The following DDX10 variants were observed in gnomAD, a reference collection of about 807,000 sequenced individuals.
DDX10 encodes the protein DEAD-box helicase 10.
DDX10 carries 74 observed loss-of-function variants against 104.3 expected under a neutral mutation model. The ratio of observed to expected loss-of-function variants is 0.71; its 90% CI spans 0.59 to 0.86. DDX10 has a LOEUF of 0.86. Ranked by LOEUF, DDX10 falls within the 40% of genes least tolerant of loss-of-function variation. DDX10 has a pLI of 0.00. For synonymous variants in DDX10, 351 were observed against 353.4 expected (o/e 0.99, Z 0.08); for missense variants, 952 against 1,040.0 (o/e 0.92, Z 1.16).
At chr11:108,860,343 A>G (rs972583285) in intron 16 of DDX10, among the ~76,000 whole-genome samples, 4 of 152,218 alleles carry the variant, frequency 2.6e-5, no homozygotes, top group Non-Finnish European at 1.5e-5. Context: ...TTCTTAAATG[A>G]CATATACCAC....
intron 10 of DDX10, among the ~76,000 whole-genome samples, chr11:108,709,951 A>G (rs1413920218): frequency 6.6e-6 from 1 of 152,144 alleles, no homozygotes; most frequent in Admixed American, 6.5e-5. Flanking sequence ...ATTTTAGGCT[A>G]TATGGTATAG....
chr11:108,898,372 G>T (rs189301496), intron 16 of DDX10, among the ~76,000 whole-genome samples: 1 of 152,096 alleles, frequency 6.6e-6, no homozygotes. Context: ...GGAGTTCCCA[G>T]TCTTTTCAGG....
intron 17 of DDX10, among the ~76,000 whole-genome samples, chr11:108,932,080 T>G (rs1036741210): frequency 6.6e-6 from 1 of 151,880 alleles, no homozygotes; most frequent in Non-Finnish European, 1.5e-5. Flanking sequence ...AAGGGCTAGA[T>G]AGTAATCATT....
At chr11:108,918,163 C>CT in intron 17 of DDX10, 145 bp downstream of exon 17, 1 of 792,386 alleles carries the variant, frequency 1.3e-6, no homozygotes. Flanking sequence ...CCTGGAAATC[C>CT]TGCTGCTGTT....
intron 10 of DDX10, among the ~76,000 whole-genome samples, chr11:108,713,326 G>C (rs2094286950): frequency 6.6e-6 from 1 of 152,024 alleles, no homozygotes; most frequent in East Asian, 1.9e-4. Flanking sequence ...TCATGTGTAT[G>C]TTCACTTTTT....
intron 17 of DDX10, among the ~76,000 whole-genome samples, chr11:108,924,310 G>A (rs1237952106): frequency 2.0e-5 from 3 of 152,062 alleles, no homozygotes; most frequent in East Asian, 1.9e-4. Flanking sequence ...ATTCTTACAT[G>A]GTGCAGGGTA....
chr11:108,916,754 A>C (rs1863756168), intron 16 of DDX10, among the ~76,000 whole-genome samples: 1 of 152,224 alleles, frequency 6.6e-6, no homozygotes, highest in Admixed American at 6.5e-5. Context: ...GGTAGTTGAC[A>C]AAACCAATCT....
At chr11:108,817,199 C>A (rs978858841) in intron 13 of DDX10, among the ~76,000 whole-genome samples, 1 of 152,194 alleles carries the variant, frequency 6.6e-6, no homozygotes, top group Non-Finnish European at 1.5e-5. Context: ...TTCTTTCTTT[C>A]ATATTCAGGG....
chr11:108,819,160 C>T (rs560431165), intron 13 of DDX10, among the ~76,000 whole-genome samples: 2 of 152,212 alleles, frequency 1.3e-5, no homozygotes, highest in African/African-American at 4.8e-5. Flanking sequence ...TGTACAGCTG[C>T]CCTTTTCCAT....
rs564870777 is a variant in DDX10 at position 108,806,850 on chromosome 11, C to T, written c.1966-31596C>T. ...TTGGTATGATCTAGCAATAGAAGGCCGATATGAAGAGATTAGAGACAGTGA... is the reference window on the plus strand; with the variant it reads ...TTGGTATGATCTAGCAATAGAAGGCTGATATGAAGAGATTAGAGACAGTGA... On this transcript the variant is annotated intron_variant, in intron 13 of 17. Transcript: ENST00000322536. 5.3e-5 allele frequency among the ~76,000 whole-genome samples: 8 copies of T among 151,700 alleles called. No homozygotes were observed. The South Asian group carries it at 8.4e-4, about 16-fold the overall frequency.
At chr11:108,801,232 AT>A (rs959876796) in intron 13 of DDX10, among the ~76,000 whole-genome samples, 1 of 152,218 alleles carries the variant, frequency 6.6e-6, no homozygotes, top group African/African-American at 2.4e-5. Flanking sequence ...TAACAAAAAA[AT>A]CTATCATTAT....
chr11:108,817,662 A>G (rs968670546), intron 13 of DDX10, among the ~76,000 whole-genome samples: 2 of 152,242 alleles, frequency 1.3e-5, no homozygotes, highest in Non-Finnish European at 2.9e-5. Flanking sequence ...TGTTGAATAA[A>G]TGACCGAGCT....
chr11:108,679,004 G>T (rs1169296495), intron 5 of DDX10, among the ~76,000 whole-genome samples: 1 of 150,292 alleles, frequency 6.7e-6, no homozygotes, highest in African/African-American at 2.4e-5. Context: ...GACTACAGGT[G>T]TGCACCACCA....
At chr11:108,869,925 ATTAGTAAATCCTATTTGACT>A (rs145383900) in intron 16 of DDX10, among the ~76,000 whole-genome samples, 3,129 of 152,258 alleles carry the variant, frequency 0.021, 52 homozygotes, top group Non-Finnish European at 0.03. Flanking sequence ...ACCACAATTT[ATTAGTAAATCCTATTTGACT>A]TTATCTTAAA....
At chr11:108,892,745 G>A (rs373720545) in intron 16 of DDX10, among the ~76,000 whole-genome samples, 58 of 152,096 alleles carry the variant, frequency 3.8e-4, no homozygotes, top group African/African-American at 1.3e-3. Flanking sequence ...TTATCATTTG[G>A]GATGAGATGG....
chr11:108,826,877 GA>G (rs1005166640), intron 13 of DDX10, among the ~76,000 whole-genome samples: 1 of 151,934 alleles, frequency 6.6e-6, no homozygotes. Context: ...ATTTAAAGTT[GA>G]AAAAAAGCTA....
intron 10 of DDX10, among the ~76,000 whole-genome samples, chr11:108,714,258 T>G (rs2094288423): frequency 1.3e-5 from 2 of 152,154 alleles, no homozygotes; most frequent in South Asian, 4.1e-4. Context: ...GCAGGTTTTA[T>G]CAATTACAGT....
intron 4 of DDX10, among the ~76,000 whole-genome samples, chr11:108,677,489 C>A (rs1367075075): frequency 3.3e-5 from 5 of 151,926 alleles, no homozygotes; most frequent in African/African-American, 1.2e-4. Flanking sequence ...CATATTTACT[C>A]TAATCCTGTA....
intron 1 of DDX10, 43 bp downstream of exon 1, chr11:108,665,382 G>T (rs747595876): frequency 6.6e-7 from 1 of 1,510,142 alleles, no homozygotes; most frequent in Admixed American, 2.3e-5. Context: ...GGCCAGCAGC[G>T]GGGCAGCGTC....
Sources: allele counts gnomAD v4.1 joint callset (sites outside exome capture counted in the v4.1 genomes callset), GRCh38; gene constraint gnomAD v4.1.1; transcripts MANE v1.5; gene names NCBI Gene and HGNC (gene_info 2026-07-23, HGNC 2026-07-21).